Variants in CENPC observed in about 807,000 individuals in gnomAD.
CENPC encodes centromere protein C.
CENPC carries 63 observed loss-of-function variants against 112.1 expected under a neutral mutation model. The ratio of observed to expected loss-of-function variants is 0.56; its 90% CI spans 0.46 to 0.69. The LOEUF (loss-of-function observed/expected upper bound fraction) is 0.69, where lower values mean the gene tolerates loss of function less well. Among genes scored for constraint, CENPC ranks in the 30% least tolerant of loss-of-function variants. The pLI is 0.00. For synonymous variants in CENPC, 333 were observed against 367.6 expected, an observed-to-expected ratio of 0.91 and a Z score of 1.08; for missense variants, 1,000 against 1,103.8, an observed-to-expected ratio of 0.91 and a Z score of 1.33.
In CENPC at chr4:67,512,234, A is replaced by G. The variant is rs1010223436; in HGVS notation, c.1612+168T>C. 11 of 561,454 alleles carry G rather than the reference A, an allele frequency of 2.0e-5. No homozygotes were observed. The African/African-American group carries it at 2.2e-4, about 11-fold the overall frequency. 34.8% of individuals were successfully genotyped at this position (561,454 alleles called of 1,614,324 possible). A position where few individuals can be genotyped will look rare whatever the true frequency, so the allele number is the denominator to read the frequency against. On this transcript the variant is annotated intron_variant, in intron 9 of 18. Transcript: ENST00000273853. ...TCCCTATTCCTAAAATACTGTATAT[A>G]TTAACGCTTCAAGGAATATCTTTAC...
intron 12 of CENPC, 33 bp from the exon 13 acceptor site, chr4:67,495,245 T>C (rs1194196247): frequency 2.2e-5 from 32 of 1,468,236 alleles, no homozygotes; most frequent in Non-Finnish European, 2.8e-5. Flanking sequence ...TCATAAGAAA[T>C]GACTGCTAAT....
intron 17 of CENPC, among the ~76,000 whole-genome samples, chr4:67,480,743 C>T (rs779611182): frequency 6.6e-6 from 1 of 152,176 alleles, no homozygotes; most frequent in Non-Finnish European, 1.5e-5. Flanking sequence ...CAAAATCCGG[C>T]ATTGCTTTAT....
At chr4:67,531,421 C>T (rs116697167) in intron 4 of CENPC, among the ~76,000 whole-genome samples, 5,976 of 152,286 alleles carry the variant, frequency 0.039, 149 homozygotes, top group Non-Finnish European at 0.061. Context: ...AAAGGACCAG[C>T]TTACAGGGCT....
intron 9 of CENPC, among the ~76,000 whole-genome samples, chr4:67,509,765 C>G (rs1023230757): frequency 2.6e-5 from 4 of 152,146 alleles, no homozygotes; most frequent in Admixed American, 2.6e-4. Context: ...AAAACAGTCT[C>G]TTTACTAATC....
At chr4:67,529,813 G>A (rs944771112) in intron 5 of CENPC, among the ~76,000 whole-genome samples, 4 of 152,188 alleles carry the variant, frequency 2.6e-5, no homozygotes, top group Non-Finnish European at 4.4e-5. Context: ...CAGAATGGCA[G>A]TGGAATAGTG....
chr4:67,518,232 A>G lies in CENPC; in HGVS notation c.754T>C (p.Tyr252His). ...SSQNRIRDSE[Y>H]EIQRQAKKSF... ...TTTTTAGCTTGTCGTTGAATTTCATATTCTGAATCTCGTATTCTATTCTGA... is the reference window on the plus strand; with the variant it reads ...TTTTTAGCTTGTCGTTGAATTTCATGTTCTGAATCTCGTATTCTATTCTGA... Residue 252 changes from tyrosine to histidine, a missense_variant, in exon 7 of 19, where the codon TAT (tyrosine) becomes CAT (histidine). By Grantham distance (83) the Tyr-to-His change is moderately conservative. Transcript: ENST00000273853. 8 of 1,559,238 alleles carry G rather than the reference A, an allele frequency of 5.1e-6. No individual in the cohort carries two copies. The highest frequency in any genetic ancestry group is 6.9e-6 in the Non-Finnish European group (8 of 1,152,566).
chr4:67,511,511 T>C (rs1326814577), intron 9 of CENPC, among the ~76,000 whole-genome samples: 1 of 152,200 alleles, frequency 6.6e-6, no homozygotes, highest in Admixed American at 6.6e-5. Flanking sequence ...CTGAGTATAC[T>C]ACCCTTAAAA....
chr4:67,500,562 A>G (rs889992613), intron 12 of CENPC, among the ~76,000 whole-genome samples: 17 of 152,332 alleles, frequency 1.1e-4, no homozygotes, highest in Middle Eastern at 3.4e-3. Context: ...GCCAAAAAAC[A>G]AAGACAGTAT....
intron 4 of CENPC, 61 bp from the exon 5 acceptor site, chr4:67,530,975 A>T: frequency 1.2e-6 from 1 of 817,896 alleles, no homozygotes; most frequent in Non-Finnish European, 1.9e-6. Flanking sequence ...TCAATGAAAT[A>T]TATTTGTTTT....
intron 16 of CENPC, among the ~76,000 whole-genome samples, chr4:67,490,855 TATATATATATATATATATATATAGAA>T (rs1323974685): frequency 0.043 from 802 of 18,496 alleles, 10 homozygotes; most frequent in African/African-American, 0.081. Flanking sequence ...TATATATATA[TATATATATATATATATATATATAGAA>T]ATATATAGAA....
At chr4:67,535,983 G>A (rs547155547) in intron 4 of CENPC, among the ~76,000 whole-genome samples, 1 of 152,234 alleles carries the variant, frequency 6.6e-6, no homozygotes, top group South Asian at 2.1e-4. Context: ...TAACTTCCAT[G>A]TACATAATGC....
intron 2 of CENPC, among the ~76,000 whole-genome samples, chr4:67,541,359 A>G (rs2109836932): frequency 6.6e-6 from 1 of 152,280 alleles, no homozygotes; most frequent in African/African-American, 2.4e-5. Flanking sequence ...AATGAATCCA[A>G]TCAGTCCTGA....
At chr4:67,494,031 T>C in intron 13 of CENPC, 43 bp from the exon 14 acceptor site, 3 of 1,247,046 alleles carry the variant, frequency 2.4e-6, no homozygotes, top group Non-Finnish European at 3.4e-6. Flanking sequence ...TAGTTTTTAG[T>C]TGATGGTACT....
intron 4 of CENPC, among the ~76,000 whole-genome samples, chr4:67,538,626 C>A (rs1452281677): frequency 6.6e-6 from 1 of 152,144 alleles, no homozygotes; most frequent in African/African-American, 2.4e-5. Flanking sequence ...GGACAGGAGA[C>A]GGTTACATAG....
chr4:67,506,127 C>T lies in CENPC; in HGVS notation c.2051+661G>A, dbSNP rs140892980. On this transcript the variant is annotated intron_variant, in intron 11 of 18. Coordinates refer to ENST00000273853, the MANE Select transcript of CENPC (RefSeq NM_001812.4). ...AAGTCTGAGAATTTGCTAAAATTTA[C>T]CCTTTATTCATTTTTTAAAAGGTTA... 4.2e-3 allele frequency among the ~76,000 whole-genome samples: 641 copies of T among 152,150 alleles called. 3 individuals carry two copies. The highest frequency in any genetic ancestry group is 0.015 in the African/African-American group (623 of 41,508).
rs186293134 is a variant in CENPC, at chr4:67,533,738, C to T, written c.232-2824G>A. 7.2e-5 allele frequency among the ~76,000 whole-genome samples: 11 copies of T among 152,182 alleles called. No individual in the cohort carries two copies. The East Asian group carries it at 1.9e-3, about 27-fold the overall frequency. On this transcript the variant is annotated intron_variant, in intron 4 of 18. Transcript: ENST00000273853. ...AAAGATTAGTAGAATTGCAAGACAC[C>T]ACTAAAAAAAAGGGGCAGGCCAGAT...
At chr4:67,490,841 T>C (rs867731758) in intron 16 of CENPC, among the ~76,000 whole-genome samples, 2 of 5,948 alleles carry the variant, frequency 3.4e-4, no homozygotes, top group Non-Finnish European at 1.7e-3. Context: ...GAAATAAATA[T>C]ATATATATAT....
chr4:67,491,472 TATATATATAGAGAGAGAGAG>T (rs1282014323), intron 16 of CENPC, among the ~76,000 whole-genome samples: 19 of 39,266 alleles, frequency 4.8e-4, no homozygotes, highest in African/African-American at 7.2e-4. Flanking sequence ...TATATATATA[TATATATATAGAGAGAGAGAG>T]AGAGAGAGAG....
At position 67,470,107 on chromosome 4, in the gene CENPC, G is replaced by A. The variant is rs1304133129; in HGVS notation, c.*2498C>T. 2 of 152,108 alleles carry A rather than the reference G, an allele frequency of 1.3e-5. No individual in the cohort carries two copies. The allele number at this position is 152,108 out of a possible 1,614,324, so 9.4% of individuals were successfully genotyped here. A position where few individuals can be genotyped will look rare whatever the true frequency, so the allele number is the denominator to read the frequency against. ...GCCATTATAGCCCTAGAAGTTGGCT[G>A]AACAGTTGGCTGAACAGTAGGCTGC... is the stretch of plus-strand genomic sequence containing the variant. On this transcript the variant is annotated 3_prime_UTR_variant, in exon 19 of 19. Transcript: ENST00000273853.
Sources: allele counts gnomAD v4.1 joint callset (sites outside exome capture counted in the v4.1 genomes callset), GRCh38; gene constraint gnomAD v4.1.1; transcripts MANE v1.5; gene names NCBI Gene and HGNC (gene_info 2026-07-23, HGNC 2026-07-21).